Variants in CSMD3 observed in about 807,000 individuals in gnomAD.
CSMD3 encodes CUB and sushi domain-containing protein 3.
Under a neutral mutation model 435.2 loss-of-function variants are expected in CSMD3, and 177 were observed. That is an observed-to-expected ratio of 0.41 (90% confidence interval 0.36 to 0.46). The LOEUF (loss-of-function observed/expected upper bound fraction) is 0.46, where lower values mean the gene tolerates loss of function less well. Ranked by LOEUF, CSMD3 falls within the 20% of genes least tolerant of loss-of-function variation. CSMD3 has a pLI of 0.34. For missense variants in CSMD3, 4,265 were observed against 4,504.6 expected (o/e 0.95, Z 1.52); for synonymous variants, 1,656 against 1,520.5 (o/e 1.09, Z -2.07).
At chr8:112,697,246 T>C (rs994609617) in intron 13 of CSMD3, among the ~76,000 whole-genome samples, 1 of 152,202 alleles carries the variant, frequency 6.6e-6, no homozygotes, top group African/African-American at 2.4e-5. Flanking sequence ...CAAAGGATTA[T>C]AAATCATGCT....
At chr8:112,833,766 G>T (rs1385447960) in intron 11 of CSMD3, among the ~76,000 whole-genome samples, 1 of 151,530 alleles carries the variant, frequency 6.6e-6, no homozygotes. Flanking sequence ...TTGTTTTCTT[G>T]TGAACTAATA....
chr8:113,310,253 G>C (rs1386163692), intron 2 of CSMD3: 3 of 151,934 alleles, frequency 2.0e-5, no homozygotes, highest in African/African-American at 4.8e-5. Flanking sequence ...GGTTGTACAT[G>C]TTAAAAATTA....
At chr8:112,867,513 G>T (rs2081017483) in intron 10 of CSMD3, among the ~76,000 whole-genome samples, 2 of 151,926 alleles carry the variant, frequency 1.3e-5, no homozygotes, top group Non-Finnish European at 2.9e-5. Context: ...CACAAATCTA[G>T]ATTGTGTAGC....
intron 29 of CSMD3, 116 bp downstream of exon 29, chr8:112,506,574 TA>T: frequency 9.7e-7 from 1 of 1,033,194 alleles, no homozygotes; most frequent in Non-Finnish European, 1.5e-6. Flanking sequence ...CTGGGATAAG[TA>T]AAAAATAACA....
At chr8:112,349,559 T>G (rs1355105989) in intron 40 of CSMD3, among the ~76,000 whole-genome samples, 3 of 152,044 alleles carry the variant, frequency 2.0e-5, no homozygotes, top group African/African-American at 7.2e-5. Context: ...ATTCTCAACT[T>G]TTATACTCAA....
chr8:113,176,888 C>A (rs911288577), intron 3 of CSMD3, among the ~76,000 whole-genome samples: 1 of 149,190 alleles, frequency 6.7e-6, no homozygotes, highest in Admixed American at 6.7e-5. Context: ...TGGACATATA[C>A]CCAAACTTAA....
Position 113,219,631 on chromosome 8 carries a change from T to C in CSMD3, c.515-45715A>G, listed in dbSNP as rs181438967. On this transcript the variant is annotated intron_variant, in intron 3 of 70. Coordinates refer to ENST00000297405, the MANE Select transcript of CSMD3 (RefSeq NM_198123.2). ...AAAAGGTAAAATCATTTTCTGTTCT[T>C]CAAACAATACATCAGAATAAACCAC... 7.9e-5 allele frequency among the ~76,000 whole-genome samples: 12 copies of C among 151,474 alleles called. No individual in the cohort carries two copies. In the East Asian group the frequency reaches 1.6e-3, roughly 20 times the overall value.
At chr8:113,168,793 C>A in intron 4 of CSMD3, among the ~76,000 whole-genome samples, 1 of 152,036 alleles carries the variant, frequency 6.6e-6, no homozygotes. Flanking sequence ...ATAACCTTAT[C>A]TATTATTTAT....
chr8:112,985,911 A>G (rs2085238791), intron 6 of CSMD3, among the ~76,000 whole-genome samples: 1 of 152,178 alleles, frequency 6.6e-6, no homozygotes, highest in East Asian at 1.9e-4. Context: ...ATATTACAAT[A>G]CAATAATAAT....
Position 112,605,011 on chromosome 8 carries a change from C to T in CSMD3, c.3716-17776G>A, listed in dbSNP as rs1832680796. On this transcript the variant is annotated intron_variant, in intron 22 of 70. Coordinates refer to ENST00000297405, the MANE Select transcript of CSMD3 (RefSeq NM_198123.2). Reference sequence around the variant, plus strand: ...TTCTCAAAAGAAGACATAAATGTGGCCAATAAGCATATAAAAAATGTTCAA... The same window carrying T: ...TTCTCAAAAGAAGACATAAATGTGGTCAATAAGCATATAAAAAATGTTCAA... Among the ~76,000 whole-genome samples the T allele has an allele frequency of 2.0e-5, 3 of 151,982 alleles. No homozygotes were observed. The South Asian group carries it at 6.2e-4, about 32-fold the overall frequency.
At chr8:112,790,836 CA>C (rs2078669880) in intron 13 of CSMD3, among the ~76,000 whole-genome samples, 1 of 152,020 alleles carries the variant, frequency 6.6e-6, no homozygotes, top group Admixed American at 6.6e-5. Context: ...CTTATTCTCT[CA>C]AAATAGAAAT....
At chr8:113,231,044 T>C (rs562996177) in intron 3 of CSMD3, among the ~76,000 whole-genome samples, 1 of 151,522 alleles carries the variant, frequency 6.6e-6, no homozygotes, top group African/African-American at 2.4e-5. Flanking sequence ...CATATACACA[T>C]ACTTGCATGC....
At chr8:113,128,040 A>G (rs967985078) in intron 4 of CSMD3, among the ~76,000 whole-genome samples, 13 of 152,102 alleles carry the variant, frequency 8.5e-5, no homozygotes, top group African/African-American at 3.1e-4. Context: ...TCACCCACTA[A>G]GAGAGGTATT....
intron 32 of CSMD3, among the ~76,000 whole-genome samples, chr8:112,445,909 C>T (rs1009000621): frequency 6.6e-6 from 1 of 152,100 alleles, no homozygotes; most frequent in African/African-American, 2.4e-5. Flanking sequence ...TTTTAAATCA[C>T]AGAGAAGGAA....
chr8:113,010,432 C>A (rs931431568), intron 6 of CSMD3, among the ~76,000 whole-genome samples: 5 of 151,716 alleles, frequency 3.3e-5, no homozygotes, highest in African/African-American at 9.7e-5. Context: ...AATGTGGGAA[C>A]AAACAAAATA....
chr8:113,287,379 A>C (rs1588445299), intron 2 of CSMD3, among the ~76,000 whole-genome samples: 1 of 152,102 alleles, frequency 6.6e-6, no homozygotes, highest in Admixed American at 6.6e-5. Flanking sequence ...TGATATTTAA[A>C]GTAATGGCTG....
intron 22 of CSMD3, among the ~76,000 whole-genome samples, chr8:112,595,274 G>C (rs1831588038): frequency 6.6e-6 from 1 of 151,942 alleles, no homozygotes; most frequent in African/African-American, 2.4e-5. Context: ...AGCAATGGAA[G>C]ATGAAACGAA....
intron 1 of CSMD3, among the ~76,000 whole-genome samples, chr8:113,421,094 G>T (rs149686042): frequency 1.1e-4 from 16 of 151,886 alleles, no homozygotes; most frequent in African/African-American, 3.9e-4. Flanking sequence ...GAATACATAA[G>T]AAGATAATTT....
intron 9 of CSMD3, among the ~76,000 whole-genome samples, chr8:112,922,415 A>C (rs2082771761): frequency 6.6e-6 from 1 of 151,964 alleles, no homozygotes; most frequent in Admixed American, 6.6e-5. Flanking sequence ...TTAAGTTATT[A>C]TTGACTATAG....
Sources: allele counts gnomAD v4.1 joint callset (sites outside exome capture counted in the v4.1 genomes callset), GRCh38; gene constraint gnomAD v4.1.1; transcripts MANE v1.5; gene names NCBI Gene and HGNC (gene_info 2026-07-23, HGNC 2026-07-21).